RANBP2: variants seen among roughly 807,000 people sequenced by gnomAD.
RANBP2 encodes E3 SUMO-protein ligase RanBP2.
Under a neutral mutation model 303.6 loss-of-function variants are expected in RANBP2, and 57 were observed. The ratio of observed to expected loss-of-function variants is 0.19; its 90% CI spans 0.15 to 0.23. The LOEUF (loss-of-function observed/expected upper bound fraction) is 0.23, where lower values mean the gene tolerates loss of function less well. Among genes scored for constraint, RANBP2 ranks in the 10% least tolerant of loss-of-function variants. The pLI, the probability that RANBP2 is intolerant of heterozygous loss-of-function variation, is 1.00. For synonymous variants in RANBP2, 1,167 were observed against 1,301.5 expected, an observed-to-expected ratio of 0.90 and a Z score of 2.23; for missense variants, 3,138 against 3,780.8, an observed-to-expected ratio of 0.83 and a Z score of 4.46.
At chr2:109,658,315 C>G in the RANBP2 span, among the ~76,000 whole-genome samples, 20 of 143,378 alleles carry the variant, frequency 1.4e-4, no homozygotes, top group Admixed American at 1.4e-3. Context: ...GGCATGGTGG[C>G]AGGCACCTGT....
chr2:108,893,545 G>GA, the RANBP2 span, among the ~76,000 whole-genome samples: 3 of 152,218 alleles, frequency 2.0e-5, no homozygotes, highest in East Asian at 3.9e-4. Flanking sequence ...TGATCAAATG[G>GA]GGGAAATGTG....
At chr2:108,741,209 A>G (rs1173772439) in intron 7 of RANBP2, among the ~76,000 whole-genome samples, 2 of 151,492 alleles carry the variant, frequency 1.3e-5, no homozygotes, top group African/African-American at 4.9e-5. Context: ...TTATTTTTTT[A>G]TTTTTTTTGA....
chr2:109,584,474 C>CAAAAA, the RANBP2 span, among the ~76,000 whole-genome samples: 6 of 71,998 alleles, frequency 8.3e-5, no homozygotes, highest in African/African-American at 2.3e-4. Flanking sequence ...GACTCTGTCT[C>CAAAAA]AAAAAAAAAA....
the RANBP2 span, among the ~76,000 whole-genome samples, chr2:109,505,116 T>G: frequency 6.6e-6 from 1 of 152,214 alleles, no homozygotes; most frequent in Non-Finnish European, 1.5e-5. Context: ...GAGCCATGGC[T>G]GCCATTCCCT....
intron 17 of RANBP2, among the ~76,000 whole-genome samples, chr2:108,756,828 A>T (rs1315074524): frequency 2.0e-5 from 3 of 152,306 alleles, no homozygotes; most frequent in Middle Eastern, 3.4e-3. Flanking sequence ...GAATGTTAAA[A>T]ATTACAGTTA....
At chr2:109,069,119 T>C in the RANBP2 span, among the ~76,000 whole-genome samples, 1 of 152,178 alleles carries the variant, frequency 6.6e-6, no homozygotes, top group Non-Finnish European at 1.5e-5. Flanking sequence ...GCAGACAATA[T>C]GCTCAAAATA....
the RANBP2 span, among the ~76,000 whole-genome samples, chr2:108,827,543 G>A: frequency 1.2e-4 from 18 of 152,088 alleles, no homozygotes; most frequent in Non-Finnish European, 2.5e-4. Flanking sequence ...TTGGCTGGGC[G>A]CAGTGGCTCC....
the RANBP2 span, among the ~76,000 whole-genome samples, chr2:109,291,612 G>A: frequency 6.6e-6 from 1 of 152,230 alleles, no homozygotes; most frequent in Non-Finnish European, 1.5e-5. Context: ...GCAGCTCCTC[G>A]TGGTGGGGAA....
chr2:109,188,796 A>G, the RANBP2 span, among the ~76,000 whole-genome samples: 1 of 152,182 alleles, frequency 6.6e-6, no homozygotes, highest in South Asian at 2.1e-4. Flanking sequence ...ATTTATTGAC[A>G]TCCATGAACA....
the RANBP2 span, among the ~76,000 whole-genome samples, chr2:109,341,038 AC>A: frequency 6.6e-6 from 1 of 152,206 alleles, no homozygotes; most frequent in Non-Finnish European, 1.5e-5. Context: ...TGGCCTCGTC[AC>A]CCTGTGTTTG....
At chr2:109,418,161 G>A in the RANBP2 span, among the ~76,000 whole-genome samples, 17 of 152,198 alleles carry the variant, frequency 1.1e-4, no homozygotes, top group South Asian at 3.5e-3. Flanking sequence ...CCCGTCCTGT[G>A]CTCCAGTTTC....
At chr2:109,722,458 C>T in the RANBP2 span, among the ~76,000 whole-genome samples, 2 of 152,214 alleles carry the variant, frequency 1.3e-5, no homozygotes, top group Non-Finnish European at 2.9e-5. Flanking sequence ...AGCACATTCC[C>T]CATTGGTCCT....
chr2:109,246,117 G>C, the RANBP2 span, among the ~76,000 whole-genome samples: 4 of 152,232 alleles, frequency 2.6e-5, no homozygotes, highest in African/African-American at 9.6e-5. Flanking sequence ...TTCTTCATTT[G>C]TGAAGTGGGA....
At chr2:109,669,129 CAAG>C in the RANBP2 span, among the ~76,000 whole-genome samples, 2 of 152,012 alleles carry the variant, frequency 1.3e-5, no homozygotes, top group Admixed American at 6.5e-5. Context: ...ACGTCATGCA[CAAG>C]AAGGAGACTA....
chr2:109,663,312 G>A, the RANBP2 span, among the ~76,000 whole-genome samples: 2 of 152,274 alleles, frequency 1.3e-5, no homozygotes, highest in South Asian at 4.1e-4. Flanking sequence ...CTCTATTTAA[G>A]AGCATGTCTA....
chr2:109,379,359 G>T, the RANBP2 span, among the ~76,000 whole-genome samples: 2 of 152,204 alleles, frequency 1.3e-5, no homozygotes, highest in Admixed American at 1.3e-4. Context: ...TAAAGTCATG[G>T]TTTACCATGG....
chr2:109,444,813 A>T, the RANBP2 span, among the ~76,000 whole-genome samples: 1 of 152,242 alleles, frequency 6.6e-6, no homozygotes, highest in Non-Finnish European at 1.5e-5. Context: ...AGGGAAACTC[A>T]CACATAAGTT....
At chr2:109,221,094 C>G in the RANBP2 span, among the ~76,000 whole-genome samples, 18 of 152,286 alleles carry the variant, frequency 1.2e-4, no homozygotes, top group African/African-American at 4.1e-4. Context: ...AGTTATGACA[C>G]GTGCTGCATG....
chr2:108,907,189 C>A, the RANBP2 span, among the ~76,000 whole-genome samples: 1 of 152,294 alleles, frequency 6.6e-6, no homozygotes, highest in African/African-American at 2.4e-5. Context: ...TTTAAAAATG[C>A]ATAGAAGAAA....
Sources: gnomAD v4.1 joint callset for allele counts (sites outside exome capture counted in the v4.1 genomes callset) on GRCh38, gnomAD v4.1.1 for gene constraint, MANE v1.5 for transcripts, NCBI Gene and HGNC (gene_info 2026-07-23, HGNC 2026-07-21) for gene names.